MMP2: variants seen among roughly 807,000 people sequenced by gnomAD.
MMP2 encodes the protein 72 kDa type IV collagenase.
MMP2 carries 39 observed loss-of-function variants against 74.8 expected under a neutral mutation model. That is an observed-to-expected ratio of 0.52 (90% CI 0.40 to 0.68). MMP2 has a LOEUF of 0.68. Ranked by LOEUF, MMP2 falls within the 30% of genes least tolerant of loss-of-function variation. The pLI is 0.00. For synonymous variants in MMP2, 367 were observed against 339.8 expected, an observed-to-expected ratio of 1.08 and a Z score of -0.88; for missense variants, 803 against 878.3, an observed-to-expected ratio of 0.91 and a Z score of 1.08.
chr16:55,485,531 G>C, intron 4 of MMP2, 73 bp from the exon 5 acceptor site: 1 of 1,611,444 alleles, frequency 6.2e-7, no homozygotes, highest in Non-Finnish European at 8.5e-7. Flanking sequence ...TCACACATCT[G>C]GGTGAGTCAG....
At chr16:55,486,066 T>C (rs1172737800) in intron 5 of MMP2, among the ~76,000 whole-genome samples, 1 of 152,238 alleles carries the variant, frequency 6.6e-6, no homozygotes, top group Non-Finnish European at 1.5e-5. Context: ...TTGCTAATTA[T>C]TTATTTCTAA....
intron 11 of MMP2, among the ~76,000 whole-genome samples, chr16:55,500,556 C>A (rs1054485627): frequency 6.9e-6 from 1 of 144,502 alleles, no homozygotes; most frequent in Non-Finnish European, 1.5e-5. Context: ...GAGGTTGTGG[C>A]AGTGCCTTGC....
chr16:55,499,614 GAGGT>G (rs1962616337), intron 11 of MMP2, among the ~76,000 whole-genome samples: 1 of 152,204 alleles, frequency 6.6e-6, no homozygotes, highest in African/African-American at 2.4e-5. Flanking sequence ...TGGCTGGTGA[GAGGT>G]AGCCCAAACC....
At position 55,482,897 on chromosome 16, in the gene MMP2, C is replaced by T. The variant is rs773447034; in HGVS notation, c.154-12C>T. ...TGTGGCTAATTGCCTTGGGGGTGTG[C>T]ATTTCTTTCAGCAATACCTGAACAC... On this transcript the variant is annotated splice_polypyrimidine_tract_variant and intron_variant, in intron 1 of 12. Transcript: ENST00000219070. The T allele has an allele frequency of 6.2e-7, 1 of 1,610,920 alleles. No homozygotes were observed. The highest frequency in any genetic ancestry group is 2.2e-5 in the East Asian group (1 of 44,872).
At chr16:55,493,643 C>T (rs1461528930) in intron 9 of MMP2, among the ~76,000 whole-genome samples, 1 of 152,206 alleles carries the variant, frequency 6.6e-6, no homozygotes, top group Admixed American at 6.5e-5. Context: ...TTAAAGCCTC[C>T]ACTCACATCT....
In MMP2 at chr16:55,493,266, G is replaced by T; in HGVS notation, c.1445G>T (p.Arg482Leu). The T allele has an allele frequency of 1.2e-6, 2 of 1,614,144 alleles. No individual in the cohort carries two copies. Among genetic ancestry groups the T allele is most frequent in the Middle Eastern group, 3.3e-4 (2 of 6,060 alleles). Residue 482 changes from arginine (R) to leucine (L), a missense_variant, in exon 9 of 13, where the codon CGT (arginine) becomes CTT (leucine). Arg to Leu is a moderately radical substitution (Grantham distance 102, BLOSUM62 -2). Around this residue, in one of 3 missense-constraint regions of MMP2, gnomAD observed 555 missense variants for 592.0 expected, o/e 0.94. Transcript: ENST00000219070. The stretch of plus-strand genomic sequence containing the variant: ...GTATTTGATGGCATCGCTCAGATCC[G>T]TGGTGAGATCTTCTTCTTCAAGGAC... ...DIVFDGIAQI[R>L]GEIFFFKDRF...
At position 55,505,663 on chromosome 16, in the gene MMP2, T is replaced by G. The variant is rs1041202485; in HGVS notation, c.*221T>G. On this transcript the variant is annotated 3_prime_UTR_variant, in exon 13 of 13. Coordinates refer to ENST00000219070, the MANE Select transcript of MMP2 (RefSeq NM_004530.6). ...ACTCCTCCCAGGCGCCCCTTCCCCC[T>G]CCAATCCCACCAACCCTCAGAGCCA... 5.1e-6 allele frequency: 3 copies of G among 593,062 alleles called. No individual in the cohort carries two copies. The highest frequency in any genetic ancestry group is 9.0e-6 in the Non-Finnish European group (3 of 331,852). 36.7% of individuals were successfully genotyped at this position (593,062 alleles called of 1,614,324 possible). A position where few individuals can be genotyped will look rare whatever the true frequency, so the allele number is the denominator to read the frequency against.
In MMP2 at chr16:55,481,407, G is replaced by T. The variant is rs17859847; in HGVS notation, c.154-1502G>T. ...TTAGCATATAATGAGCAGTGAGGAC[G>T]ACTAGAGGTCACTTTCATTGCAGTC... On this transcript the variant is annotated intron_variant, in intron 1 of 12. Coordinates refer to ENST00000219070, the MANE Select transcript of MMP2 (RefSeq NM_004530.6). 10 of 160,520 alleles carry T rather than the reference G, an allele frequency of 6.2e-5. No individual in the cohort carries two copies. The South Asian group carries it at 1.4e-3, about 22-fold the overall frequency. 9.9% of individuals were successfully genotyped at this position (160,520 alleles called of 1,614,324 possible).
chr16:55,483,131 T>C lies in MMP2; in HGVS notation c.376T>C (p.Tyr126His). 6.2e-7 allele frequency: 1 copy of C among 1,612,718 alleles called. No individual in the cohort carries two copies. ...CAAGTGGGACAAGAACCAGATCACA[T>C]ACAGGTGCCGGGGCAGGGCTTGGGG... ...KPKWDKNQIT[Y>H]RIIGYTPDLD... Residue 126 changes from tyrosine (Y) to histidine (H), a missense_variant, in exon 2 of 13, where the codon TAC becomes CAC. Coordinates refer to ENST00000219070, the MANE Select transcript of MMP2 (RefSeq NM_004530.6).
At chr16:55,503,711 C>T (rs553105515) in intron 12 of MMP2, among the ~76,000 whole-genome samples, 2 of 152,304 alleles carry the variant, frequency 1.3e-5, no homozygotes, top group South Asian at 4.1e-4. Flanking sequence ...CAAACTCCAA[C>T]AGCTCCATGT....
In MMP2 at chr16:55,489,820, C is replaced by T. The variant is rs757984194; in HGVS notation, c.1176C>T (p.Asp392=). 3.1e-6 allele frequency: 5 copies of T among 1,614,002 alleles called. No individual in the cohort carries two copies. Among genetic ancestry groups the T allele is most frequent in the Non-Finnish European group, 4.2e-6 (5 of 1,179,958 alleles). The change falls in exon 7 of 13, where the codon GAC becomes GAT. Residue 392 remains aspartate, a synonymous_variant. Coordinates refer to ENST00000219070, the MANE Select transcript of MMP2 (RefSeq NM_004530.6). Reference sequence around the variant, plus strand: ...ACCGCAAGTGGGGCTTCTGCCCTGACCAAGGTACGAGGCCCTGGTCATTGG... The same window carrying T: ...ACCGCAAGTGGGGCTTCTGCCCTGATCAAGGTACGAGGCCCTGGTCATTGG... The part of the protein sequence containing the change: ...DDDRKWGFCP[D]QGYSLFLVAA...
chr16:55,486,961 G>T (rs1402671916), intron 5 of MMP2: 1 of 152,160 alleles, frequency 6.6e-6, no homozygotes, highest in Non-Finnish European at 1.5e-5. Context: ...TACTACCAGA[G>T]CTAAACTTTA....
At chr16:55,486,383 G>GTGTGTGTT (rs1555491754) in intron 5 of MMP2, among the ~76,000 whole-genome samples, 3 of 149,508 alleles carry the variant, frequency 2.0e-5, no homozygotes, top group Non-Finnish European at 3.0e-5. Context: ...GTGTGTGTGT[G>GTGTGTGTT]TGTGTGTCTG....
Position 55,505,740 on chromosome 16 carries a change from C to G in MMP2, c.*298C>G. On this transcript the variant is annotated 3_prime_UTR_variant, in exon 13 of 13. Coordinates refer to ENST00000219070, the MANE Select transcript of MMP2 (RefSeq NM_004530.6). Reference sequence around the variant, plus strand: ...CAACGCAGCCCTGCTTTGGGCTGCCCTGGTGCTGCCACACTTCAGGCTCTT... The same window carrying G: ...CAACGCAGCCCTGCTTTGGGCTGCCGTGGTGCTGCCACACTTCAGGCTCTT... The G allele has an allele frequency of 2.2e-6, 1 of 456,338 alleles. No individual in the cohort carries two copies. 28.3% of individuals were successfully genotyped at this position (456,338 alleles called of 1,614,324 possible).
Position 55,479,605 on chromosome 16 carries a change from C to T in MMP2, c.126C>T (p.Ala42=). ...TCATCAAGTTCCCCGGCGATGTCGC[C>T]CCCAAAACGGACAAAGAGTTGGCAG... The part of the protein sequence containing the change: ...SPIIKFPGDV[A]PKTDKELAVQ... Residue 42 remains alanine, a synonymous_variant, in exon 1 of 13, where the codon GCC becomes GCT. Transcript: ENST00000219070. 6.2e-7 allele frequency: 1 copy of T among 1,613,792 alleles called. No homozygotes were observed. The highest frequency in any genetic ancestry group is 1.1e-5 in the South Asian group (1 of 91,088).
At chr16:55,485,862 C>A in intron 5 of MMP2, 85 bp downstream of exon 5, 3 of 1,418,872 alleles carry the variant, frequency 2.1e-6, no homozygotes, top group Non-Finnish European at 3.0e-6. Flanking sequence ...CCTCCACACT[C>A]TCCAGGACTG....
At chr16:55,484,570 C>A (rs1205447122) in intron 3 of MMP2, among the ~76,000 whole-genome samples, 1 of 152,182 alleles carries the variant, frequency 6.6e-6, no homozygotes. Context: ...TTTTGGACAG[C>A]ACAGACAAAG....
chr16:55,493,096 C>T (rs1962451474), intron 8 of MMP2, 62 bp from the exon 9 acceptor site: 7 of 1,604,588 alleles, frequency 4.4e-6, no homozygotes, highest in Non-Finnish European at 6.0e-6. Context: ...CCCCTGGGGG[C>T]TCACCCTAGT....
rs1405871594 is a variant in MMP2 at position 55,505,841 on chromosome 16, C to T, written c.*399C>T. The T allele has an allele frequency of 2.1e-5, 6 of 286,682 alleles. No homozygotes were observed. The highest frequency in any genetic ancestry group is 4.7e-5 in the Admixed American group (1 of 21,448). 17.8% of individuals were successfully genotyped at this position (286,682 alleles called of 1,614,324 possible). A position where few individuals can be genotyped will look rare whatever the true frequency, so the allele number is the denominator to read the frequency against. On this transcript the variant is annotated 3_prime_UTR_variant, in exon 13 of 13. Coordinates refer to ENST00000219070, the MANE Select transcript of MMP2 (RefSeq NM_004530.6). ...CTGTCTCAAGAGGGCACTGGTGGCC[C>T]GACAGCCTGGCACAGGGCAGTGGGA...
Sources: gnomAD v4.1 joint callset for allele counts (sites outside exome capture counted in the v4.1 genomes callset) on GRCh38, gnomAD v4.1.1 for gene constraint, gnomAD v4.1.1 regional missense constraint, MANE v1.5 for transcripts, NCBI Gene and HGNC (gene_info 2026-07-23, HGNC 2026-07-21) for gene names.